KIF3C: variants seen among roughly 807,000 people sequenced by gnomAD.
KIF3C encodes the protein kinesin family member 3C.
Under a neutral mutation model 67.7 loss-of-function variants are expected in KIF3C, and 12 were observed. The ratio of observed to expected loss-of-function variants is 0.18; its 90% CI spans 0.11 to 0.29. KIF3C has a LOEUF of 0.29. Among genes scored for constraint, KIF3C ranks in the 10% least tolerant of loss-of-function variants. The pLI is 1.00. For synonymous variants in KIF3C, 393 were observed against 426.2 expected, an observed-to-expected ratio of 0.92 and a Z score of 0.96; for missense variants, 789 against 1,059.6, an observed-to-expected ratio of 0.74 and a Z score of 3.55.
intron 1 of KIF3C, among the ~76,000 whole-genome samples, chr2:25,970,756 C>T (rs1379914401): frequency 6.6e-6 from 1 of 151,348 alleles, no homozygotes; most frequent in African/African-American, 2.4e-5. Context: ...ATTATTACCA[C>T]CACTGTTGTT....
rs775302858 is a variant in KIF3C, at chr2:25,981,168, G to A, written c.750C>T (p.Ser250=). ...TGGGGCCTGCCTTGTTCTGCCTCTC[G>A]CTGCCAGCCAGGTCCACGAGGTTGA... ...GKLNLVDLAG[S]ERQNKAGPNT... Residue 250 remains serine (S), a synonymous_variant, in exon 1 of 8, where the codon AGC becomes AGT. Transcript: ENST00000264712. The surrounding 1 kb of genome is among the most constrained non-coding windows in gnomAD (Gnocchi z 8.2). The A allele has an allele frequency of 2.4e-5, 38 of 1,614,076 alleles. No individual in the cohort carries two copies. Among genetic ancestry groups the A allele is most frequent in the East Asian group, 1.8e-4 (8 of 44,886 alleles).
At chr2:25,940,894 C>A (rs1663268014) in intron 5 of KIF3C, among the ~76,000 whole-genome samples, 1 of 151,950 alleles carries the variant, frequency 6.6e-6, no homozygotes, top group African/African-American at 2.4e-5. Context: ...CTCAGGTTAT[C>A]TGCCCGTCTC....
At position 25,929,393 on chromosome 2, in the gene KIF3C, G is replaced by A; in HGVS notation, c.2200C>T (p.Pro734Ser). 1 of 1,614,096 alleles carries A rather than the reference G, an allele frequency of 6.2e-7. No individual in the cohort carries two copies. ...MEFSHDQEQDPRALHMERLMR... is the reference protein window; with the variant it reads ...MEFSHDQEQDSRALHMERLMR... ...AGCCTCTCCATGTGTAGCGCACGAG[G>A]GTCTTGTTCTTGGTCGTGAGAGAAT... The change falls in exon 7 of 8, where the codon CCT becomes TCT. Residue 734 changes from proline (P) to serine (S), a missense_variant. Pro to Ser is a moderately conservative substitution (Grantham distance 74). Coordinates refer to ENST00000264712, the MANE Select transcript of KIF3C (RefSeq NM_002254.8).
intron 5 of KIF3C, chr2:25,951,287 A>G (rs1663605550): frequency 6.5e-6 from 1 of 152,910 alleles, no homozygotes; most frequent in Non-Finnish European, 1.5e-5. Flanking sequence ...GAGCGAGCGC[A>G]CTGAGATTGG....
intron 1 of KIF3C, among the ~76,000 whole-genome samples, chr2:25,971,812 A>G (rs982076314): frequency 2.9e-4 from 42 of 146,246 alleles, no homozygotes; most frequent in African/African-American, 1.1e-3. Flanking sequence ...GGCTCAAGCC[A>G]TCCTTCCATG....
intron 1 of KIF3C, among the ~76,000 whole-genome samples, chr2:25,957,357 T>C (rs550902297): frequency 1.3e-5 from 2 of 152,340 alleles, no homozygotes; most frequent in South Asian, 4.1e-4. Context: ...TGAAATAATG[T>C]CAGATTTGTG....
intron 1 of KIF3C, among the ~76,000 whole-genome samples, chr2:25,974,720 T>C (rs974494649): frequency 1.3e-5 from 2 of 151,818 alleles, no homozygotes; most frequent in Non-Finnish European, 2.9e-5. Context: ...CACAGAGGGA[T>C]AGAGTGTCAA....
intron 7 of KIF3C, 30 bp from the exon 8 acceptor site, chr2:25,929,101 G>A: frequency 6.3e-7 from 1 of 1,588,236 alleles, no homozygotes; most frequent in Non-Finnish European, 8.6e-7. Context: ...GGCGAAAGGG[G>A]AGGTTAGGGA....
intron 5 of KIF3C, among the ~76,000 whole-genome samples, chr2:25,935,634 C>A (rs887498906): frequency 6.6e-5 from 10 of 152,052 alleles, no homozygotes; most frequent in African/African-American, 2.4e-4. Flanking sequence ...AGTGCTGGGA[C>A]TTTAAGTATG....
intron 5 of KIF3C, among the ~76,000 whole-genome samples, chr2:25,942,924 A>C (rs182154825): frequency 6.6e-6 from 1 of 152,324 alleles, no homozygotes; most frequent in East Asian, 1.9e-4. Context: ...AGAGGGTGGG[A>C]TGGATGCTTA....
intron 5 of KIF3C, among the ~76,000 whole-genome samples, chr2:25,948,754 G>A (rs571230343): frequency 1.4e-5 from 2 of 142,262 alleles, no homozygotes; most frequent in South Asian, 2.5e-4. Flanking sequence ...GGGAGGGAGG[G>A]AGGGAGGGAA....
rs1048912568 is a variant in KIF3C, at chr2:25,928,161, G to A, written c.*817C>T. On this transcript the variant is annotated 3_prime_UTR_variant, in exon 8 of 8. Transcript: ENST00000264712. ...TGGGGAGTTGCCTTGAGAGCCTGTC[G>A]ACCAAAATGACTCCTCGGAGGGGAC... The A allele has an allele frequency of 2.6e-5, 4 of 152,196 alleles. No individual in the cohort carries two copies. Among genetic ancestry groups the A allele is most frequent in the African/African-American group, 4.8e-5 (2 of 41,418 alleles). 9.4% of individuals were successfully genotyped at this position (152,196 alleles called of 1,614,324 possible).
chr2:25,960,291 A>G (rs1375303520), intron 1 of KIF3C, among the ~76,000 whole-genome samples: 2 of 152,164 alleles, frequency 1.3e-5, no homozygotes, highest in Non-Finnish European at 2.9e-5. Flanking sequence ...ATTGAGATCC[A>G]TATTGTACTG....
intron 1 of KIF3C, among the ~76,000 whole-genome samples, chr2:25,970,697 A>AG (rs1664260083): frequency 6.7e-6 from 1 of 149,360 alleles, no homozygotes; most frequent in African/African-American, 2.5e-5. Flanking sequence ...AAAAAAGAAC[A>AG]CATCAGAGTG....
intron 1 of KIF3C, among the ~76,000 whole-genome samples, chr2:25,962,866 T>C (rs1383806474): frequency 1.3e-5 from 1 of 77,630 alleles, no homozygotes; most frequent in African/African-American, 5.7e-5. Context: ...ATATATAATA[T>C]ATATAATATA....
At chr2:25,947,704 C>A (rs1172149977) in intron 5 of KIF3C, among the ~76,000 whole-genome samples, 1 of 151,394 alleles carries the variant, frequency 6.6e-6, no homozygotes, top group East Asian at 1.9e-4. Flanking sequence ...CCATTTTAAC[C>A]CTCAAAAGGA....
chr2:25,939,780 G>A (rs1663237479), intron 5 of KIF3C, among the ~76,000 whole-genome samples: 1 of 151,548 alleles, frequency 6.6e-6, no homozygotes, highest in Non-Finnish European at 1.5e-5. Flanking sequence ...TTGAAACCCT[G>A]CCTCTACTAA....
chr2:25,933,547 C>T (rs1244707673), intron 5 of KIF3C, among the ~76,000 whole-genome samples: 1 of 151,760 alleles, frequency 6.6e-6, no homozygotes, highest in African/African-American at 2.4e-5. Flanking sequence ...TGGTAGCACA[C>T]ACCTGTAATC....
chr2:25,948,161 G>A, intron 5 of KIF3C, among the ~76,000 whole-genome samples: 1 of 152,146 alleles, frequency 6.6e-6, no homozygotes, highest in Admixed American at 6.6e-5. Flanking sequence ...GGTCAAGGCT[G>A]CAGTGAGCTG....
Sources: gnomAD v4.1 joint callset for allele counts (sites outside exome capture counted in the v4.1 genomes callset) on GRCh38, gnomAD v4.1.1 for gene constraint, Gnocchi (gnomAD v3.1) non-coding constraint, MANE v1.5 for transcripts, NCBI Gene and HGNC (gene_info 2026-07-23, HGNC 2026-07-21) for gene names.